The following BICD1 variants were observed in gnomAD, a reference collection of about 807,000 sequenced individuals.
BICD1 encodes the protein BICD cargo adaptor 1.
A neutral mutation model predicts 92.5 loss-of-function variants in BICD1; 35 were observed. The ratio of observed to expected loss-of-function variants is 0.38; its 90% CI spans 0.29 to 0.50. The LOEUF (loss-of-function observed/expected upper bound fraction) is 0.50, where lower values mean the gene tolerates loss of function less well. Ranked by LOEUF, BICD1 falls within the 20% of genes least tolerant of loss-of-function variation. The pLI is 0.93. For synonymous variants in BICD1, 429 were observed against 465.1 expected (o/e 0.92, Z 1.00); for missense variants, 950 against 1,189.8 (o/e 0.80, Z 2.97).
At chr12:32,142,225 G>A (rs1039691922) in intron 1 of BICD1, among the ~76,000 whole-genome samples, 1 of 151,840 alleles carries the variant, frequency 6.6e-6, no homozygotes, top group Non-Finnish European at 1.5e-5. Flanking sequence ...GGCCAACATG[G>A]TGAAACCCCG....
chr12:32,293,899 G>T, intron 2 of BICD1, 95 bp from the exon 3 acceptor site: 1 of 1,262,180 alleles, frequency 7.9e-7, no homozygotes, highest in Non-Finnish European at 1.1e-6. Context: ...ACCCCATGAG[G>T]TGTTTTTATT....
In BICD1 at chr12:32,381,419, C is replaced by T. The variant is rs1940175244; in HGVS notation, c.*3792C>T. ...TTCAGTCTACAACATTTGCTTTTTT[C>T]GTGCTTTGGAAAATATCCTTGTGCA... On this transcript the variant is annotated 3_prime_UTR_variant, in exon 10 of 10. Coordinates refer to ENST00000652176, the MANE Select transcript of BICD1 (RefSeq NM_001714.4). 6.6e-6 allele frequency: 1 copy of T among 151,980 alleles called. No homozygotes were observed. 9.4% of individuals were successfully genotyped at this position (151,980 alleles called of 1,614,324 possible). A position where few individuals can be genotyped will look rare whatever the true frequency, so the allele number is the denominator to read the frequency against.
In BICD1 at chr12:32,126,335, T is replaced by C. The variant is rs532175499; in HGVS notation, c.213+18791T>C. Among the ~76,000 whole-genome samples, 80 of 151,978 alleles carry C rather than the reference T, an allele frequency of 5.3e-4. 1 individual carries two copies. In the South Asian group the frequency reaches 0.017, roughly 32 times the overall value. On this transcript the variant is annotated intron_variant, in intron 1 of 9. Coordinates refer to ENST00000652176, the MANE Select transcript of BICD1 (RefSeq NM_001714.4). ...GCAGACTGTTCACACCGAGTTTGTGTAGAAAGGATGAAATCTTAAGATTAG... is the reference window on the plus strand; with the variant it reads ...GCAGACTGTTCACACCGAGTTTGTGCAGAAAGGATGAAATCTTAAGATTAG...
At chr12:32,122,708 A>G (rs1443570739) in intron 1 of BICD1, among the ~76,000 whole-genome samples, 1 of 152,218 alleles carries the variant, frequency 6.6e-6, no homozygotes, top group Non-Finnish European at 1.5e-5. Context: ...CAGGGTCTCA[A>G]AACAACAATT....
chr12:32,210,037 T>C (rs1323555065), intron 1 of BICD1, among the ~76,000 whole-genome samples: 1 of 152,218 alleles, frequency 6.6e-6, no homozygotes, highest in African/African-American at 2.4e-5. Context: ...CCTATGCTCT[T>C]GCCTTAACTT....
chr12:32,250,710 G>T (rs138707096), intron 2 of BICD1, among the ~76,000 whole-genome samples: 4 of 152,162 alleles, frequency 2.6e-5, no homozygotes, highest in Non-Finnish European at 4.4e-5. Flanking sequence ...GCCAGGCGCA[G>T]TGGCTCATGC....
intron 1 of BICD1, among the ~76,000 whole-genome samples, chr12:32,191,804 A>G (rs916448364): frequency 1.3e-5 from 2 of 151,792 alleles, no homozygotes; most frequent in Non-Finnish European, 2.9e-5. Context: ...AAGAAGGTGA[A>G]TTTAATCAAT....
intron 4 of BICD1, among the ~76,000 whole-genome samples, chr12:32,311,213 T>G (rs529616808): frequency 6.6e-6 from 1 of 152,126 alleles, no homozygotes; most frequent in Non-Finnish European, 1.5e-5. Flanking sequence ...AAGAAATACA[T>G]TGGGCCGGGT....
At chr12:32,165,128 T>G (rs1055414770) in intron 1 of BICD1, among the ~76,000 whole-genome samples, 1 of 152,090 alleles carries the variant, frequency 6.6e-6, no homozygotes, top group Non-Finnish European at 1.5e-5. Context: ...AAAGATGGAT[T>G]AGGAAAATGG....
intron 8 of BICD1, among the ~76,000 whole-genome samples, chr12:32,341,904 C>A (rs1748232984): frequency 6.6e-6 from 1 of 151,476 alleles, no homozygotes; most frequent in South Asian, 2.1e-4. Context: ...TTTCAATAAG[C>A]CAAGAAAGAG....
intron 1 of BICD1, among the ~76,000 whole-genome samples, chr12:32,135,989 C>T (rs1168738789): frequency 6.6e-6 from 1 of 152,162 alleles, no homozygotes; most frequent in Admixed American, 6.5e-5. Flanking sequence ...CTTCATCTAA[C>T]AGTATAGGAC....
At chr12:32,146,446 G>GA (rs1943105509) in intron 1 of BICD1, among the ~76,000 whole-genome samples, 1 of 152,198 alleles carries the variant, frequency 6.6e-6, no homozygotes, top group Non-Finnish European at 1.5e-5. Flanking sequence ...TAGGCAGGTG[G>GA]AAATATACTT....
In BICD1 at chr12:32,337,077, C is replaced by G. The variant is rs1938159754; in HGVS notation, c.2253-422C>G. Among the ~76,000 whole-genome samples the G allele has an allele frequency of 6.6e-6, 1 of 152,034 alleles. No homozygotes were observed. Among genetic ancestry groups the G allele is most frequent in the African/African-American group, 2.4e-5 (1 of 41,388 alleles). The stretch of plus-strand genomic sequence containing the variant: ...TGGCCAACATGGTGAAACCCCGTCT[C>G]TACTAAAAAAAATACAAAAATTAGC... On this transcript the variant is annotated intron_variant, in intron 6 of 9. Transcript: ENST00000652176. The surrounding 1 kb of genome is among the most constrained non-coding windows in gnomAD (Gnocchi z 4.7).
intron 2 of BICD1, among the ~76,000 whole-genome samples, chr12:32,291,830 C>T (rs1947733822): frequency 2.0e-5 from 3 of 151,438 alleles, no homozygotes; most frequent in African/African-American, 4.9e-5. Flanking sequence ...AGAGTGAGAA[C>T]ATGTCTTTAA....
At chr12:32,207,586 A>T (rs1246344071) in intron 1 of BICD1, among the ~76,000 whole-genome samples, 3 of 152,204 alleles carry the variant, frequency 2.0e-5, no homozygotes, top group African/African-American at 7.2e-5. Flanking sequence ...TGGTTTTCAG[A>T]ATACAAAATG....
At chr12:32,180,867 C>T (rs867206563) in intron 1 of BICD1, among the ~76,000 whole-genome samples, 3 of 151,912 alleles carry the variant, frequency 2.0e-5, no homozygotes, top group Admixed American at 6.6e-5. Flanking sequence ...AGTCACTCCT[C>T]GCCCATCTGT....
At chr12:32,348,677 C>T (rs535460089) in intron 8 of BICD1, among the ~76,000 whole-genome samples, 1 of 108,258 alleles carries the variant, frequency 9.2e-6, no homozygotes, top group East Asian at 2.7e-4. Context: ...GTCTGCCTCT[C>T]CTGACTCTGC....
intron 1 of BICD1, among the ~76,000 whole-genome samples, chr12:32,197,015 A>G (rs917691625): frequency 6.6e-6 from 1 of 151,832 alleles, no homozygotes; most frequent in African/African-American, 2.4e-5. Context: ...TTCCTTTTCA[A>G]GATTTTACTT....
At chr12:32,332,977 C>T (rs775159572) in intron 5 of BICD1, 1 of 985,336 alleles carries the variant, frequency 1.0e-6, no homozygotes, top group Non-Finnish European at 1.2e-6. Context: ...AAAAACTTTG[C>T]ACAGTCAATG....
Sources: allele counts gnomAD v4.1 joint callset (sites outside exome capture counted in the v4.1 genomes callset), GRCh38; gene constraint gnomAD v4.1.1; non-coding constraint Gnocchi (gnomAD v3.1); transcripts MANE v1.5; gene names NCBI Gene and HGNC (gene_info 2026-07-23, HGNC 2026-07-21).